Variants in GULP1 observed in about 807,000 individuals in gnomAD.
The protein encoded by GULP1 is PTB domain-containing engulfment adapter protein 1.
Under a neutral mutation model 40.9 loss-of-function variants are expected in GULP1, and 19 were observed. That is an observed-to-expected ratio of 0.46 (90% CI 0.32 to 0.68). GULP1 has a LOEUF of 0.68. Among genes scored for constraint, GULP1 ranks in the 30% least tolerant of loss-of-function variants. The pLI is 0.03. For synonymous variants in GULP1, 119 were observed against 117.6 expected (o/e 1.01, Z -0.08); for missense variants, 312 against 362.2 (o/e 0.86, Z 1.12).
intron 2 of GULP1, among the ~76,000 whole-genome samples, chr2:188,413,204 A>T (rs1036559207): frequency 6.6e-6 from 1 of 152,232 alleles, no homozygotes; most frequent in Non-Finnish European, 1.5e-5. Flanking sequence ...GCTTCTTCAC[A>T]TCACTCGTTG....
chr2:188,467,588 T>C (rs1181231709), intron 2 of GULP1, among the ~76,000 whole-genome samples: 2 of 152,150 alleles, frequency 1.3e-5, no homozygotes, highest in Non-Finnish European at 2.9e-5. Context: ...CCGTAAGCTG[T>C]ACACACAGTT....
intron 4 of GULP1, among the ~76,000 whole-genome samples, chr2:188,487,894 C>T (rs1351401839): frequency 6.6e-6 from 1 of 151,868 alleles, no homozygotes; most frequent in African/African-American, 2.4e-5. Context: ...GTGGCTTTCT[C>T]ATCTTTACAA....
chr2:188,504,479 T>C (rs1229657325), intron 4 of GULP1, among the ~76,000 whole-genome samples: 1 of 151,918 alleles, frequency 6.6e-6, no homozygotes, highest in African/African-American at 2.4e-5. Flanking sequence ...GAAAGTTATT[T>C]TGACAGGCAA....
intron 4 of GULP1, among the ~76,000 whole-genome samples, chr2:188,500,806 G>A (rs1284970533): frequency 6.6e-6 from 1 of 151,812 alleles, no homozygotes; most frequent in East Asian, 1.9e-4. Flanking sequence ...TGGGGCCCCT[G>A]GTCTTTTCCA....
At chr2:188,422,318 G>C (rs1057115743) in intron 2 of GULP1, among the ~76,000 whole-genome samples, 3 of 151,266 alleles carry the variant, frequency 2.0e-5, no homozygotes, top group Admixed American at 1.3e-4. Context: ...AAATTTTGAT[G>C]TATTGATTGG....
chr2:188,452,478 C>T (rs1007946632), intron 2 of GULP1, among the ~76,000 whole-genome samples: 7 of 152,174 alleles, frequency 4.6e-5, no homozygotes, highest in African/African-American at 1.7e-4. Context: ...TATTTATGAA[C>T]TTTTCAAACC....
chr2:188,595,783 A>G lies in GULP1; in HGVS notation c.*1772A>G, dbSNP rs1367074216. ...AATGGTAATCAACTCTGCTACTGGC[A>G]TGATGAAATAGTACATAACTGGTCA... is the stretch of plus-strand genomic sequence containing the variant. On this transcript the variant is annotated 3_prime_UTR_variant, in exon 12 of 12. Coordinates refer to ENST00000409830, the MANE Select transcript of GULP1 (RefSeq NM_016315.4). The G allele has an allele frequency of 6.6e-6, 1 of 152,298 alleles. No individual in the cohort carries two copies. Among genetic ancestry groups the G allele is most frequent in the African/African-American group, 2.4e-5 (1 of 41,430 alleles). The allele number at this position is 152,298 out of a possible 1,614,324, so 9.4% of individuals were successfully genotyped here. A position where few individuals can be genotyped will look rare whatever the true frequency, so the allele number is the denominator to read the frequency against.
chr2:188,571,039 T>A (rs2153434201), intron 9 of GULP1, among the ~76,000 whole-genome samples: 1 of 152,146 alleles, frequency 6.6e-6, no homozygotes, highest in East Asian at 1.9e-4. Context: ...ACACCTGTAG[T>A]CTCAGCCACT....
At chr2:188,548,181 A>G (rs1692482188) in intron 7 of GULP1, among the ~76,000 whole-genome samples, 1 of 152,118 alleles carries the variant, frequency 6.6e-6, no homozygotes, top group South Asian at 2.1e-4. Flanking sequence ...ATAAAGAAAT[A>G]AAACTGTGCT....
At chr2:188,439,147 G>C (rs1225273424) in intron 2 of GULP1, among the ~76,000 whole-genome samples, 1 of 152,026 alleles carries the variant, frequency 6.6e-6, no homozygotes, top group Non-Finnish European at 1.5e-5. Flanking sequence ...GTCTTGGTTA[G>C]CTGATAATCT....
At chr2:188,376,637 C>T (rs1479552206) in intron 1 of GULP1, among the ~76,000 whole-genome samples, 3 of 152,076 alleles carry the variant, frequency 2.0e-5, no homozygotes, top group Admixed American at 6.6e-5. Flanking sequence ...AACATATAAA[C>T]TTATACTTCA....
chr2:188,405,951 C>T (rs1466991681), intron 2 of GULP1, among the ~76,000 whole-genome samples: 3 of 152,154 alleles, frequency 2.0e-5, no homozygotes, highest in Non-Finnish European at 4.4e-5. Flanking sequence ...CATTAACTGA[C>T]ACTAAAGAAA....
chr2:188,421,804 A>G (rs2055456333), intron 2 of GULP1, among the ~76,000 whole-genome samples: 1 of 152,172 alleles, frequency 6.6e-6, no homozygotes, highest in Non-Finnish European at 1.5e-5. Flanking sequence ...AATGCTGAAG[A>G]ATAGATGTAT....
In GULP1 at chr2:188,483,480, C is replaced by G. The variant is rs1259847150; in HGVS notation, c.78C>G (p.Pro26=). Residue 26 remains proline (P), a synonymous_variant, in exon 4 of 12, where the codon CCC becomes CCG. Transcript: ENST00000409830. ...AAGCTTTATCAAAACATTTCATTCC[C>G]TATAATGCAAAGGTAAAAATAGTTC... ...TPEALSKHFI[P]YNAKFLGSTE... 1 of 1,453,606 alleles carries G rather than the reference C, an allele frequency of 6.9e-7. No individual in the cohort carries two copies. Among genetic ancestry groups the G allele is most frequent in the South Asian group, 1.2e-5 (1 of 82,570 alleles). The allele number at this position is 1,453,606 out of a possible 1,614,324, so 90.0% of individuals were successfully genotyped here.
At chr2:188,345,036 A>G (rs1336026328) in intron 1 of GULP1, among the ~76,000 whole-genome samples, 2 of 149,426 alleles carry the variant, frequency 1.3e-5, no homozygotes, top group Non-Finnish European at 3.0e-5. Context: ...GGCAATTCTT[A>G]TAAATATCTG....
intron 7 of GULP1, among the ~76,000 whole-genome samples, chr2:188,552,407 GA>G (rs1693707533): frequency 1.3e-5 from 2 of 151,746 alleles, no homozygotes; most frequent in East Asian, 3.9e-4. Context: ...ATTAATTGAA[GA>G]GGATGTTCTT....
intron 2 of GULP1, among the ~76,000 whole-genome samples, chr2:188,425,351 C>T (rs2152791179): frequency 6.6e-6 from 1 of 151,752 alleles, no homozygotes; most frequent in East Asian, 1.9e-4. Context: ...TATTCTAATC[C>T]ATGGTTTGTT....
chr2:188,343,240 A>G (rs2043195454), intron 1 of GULP1, among the ~76,000 whole-genome samples: 1 of 152,174 alleles, frequency 6.6e-6, no homozygotes, highest in Admixed American at 6.5e-5. Flanking sequence ...AGCCTTGGAG[A>G]GGATAATTCA....
chr2:188,332,689 A>G (rs1417269903), intron 1 of GULP1, among the ~76,000 whole-genome samples: 1 of 151,942 alleles, frequency 6.6e-6, no homozygotes, highest in Non-Finnish European at 1.5e-5. Context: ...GAAAGTGAGG[A>G]TCAGTCTTAT....
Sources: allele counts gnomAD v4.1 joint callset (sites outside exome capture counted in the v4.1 genomes callset), GRCh38; gene constraint gnomAD v4.1.1; transcripts MANE v1.5; gene names NCBI Gene and HGNC (gene_info 2026-07-23, HGNC 2026-07-21).